AKAP19: variants seen among roughly 807,000 people sequenced by gnomAD.
AKAP19 encodes the protein A-kinase anchoring protein 19, also known as small A-kinase anchoring protein.
chr2:190,094,946 C>T, the AKAP19 span, among the ~76,000 whole-genome samples: 1 of 152,134 alleles, frequency 6.6e-6, no homozygotes, highest in African/African-American at 2.4e-5. Flanking sequence ...GTAAATAGGC[C>T]GGGCGCGGTG....
chr2:190,180,070 G>A, the AKAP19 span, among the ~76,000 whole-genome samples: 1 of 152,194 alleles, frequency 6.6e-6, no homozygotes, highest in African/African-American at 2.4e-5. The surrounding 1 kb of genome is among the most constrained non-coding windows in gnomAD (Gnocchi z 6.8). Flanking sequence ...AAACACGCTT[G>A]GAAAATGTTC....
the AKAP19 span, chr2:190,200,894 C>T: frequency 9.0e-5 from 15 of 166,954 alleles, no homozygotes; most frequent in African/African-American, 3.4e-4. Flanking sequence ...AAGAGCAATC[C>T]AATAAATCTT....
At chr2:189,917,964 C>G in the AKAP19 span, among the ~76,000 whole-genome samples, 1 of 151,786 alleles carries the variant, frequency 6.6e-6, no homozygotes, top group East Asian at 1.9e-4. Context: ...TTAAATATCT[C>G]TTTGTATAGT....
the AKAP19 span, among the ~76,000 whole-genome samples, chr2:189,931,897 T>C: frequency 6.6e-6 from 1 of 152,178 alleles, no homozygotes; most frequent in Admixed American, 6.5e-5. Flanking sequence ...TGCTGGGATT[T>C]ACAGGCATGA....
the AKAP19 span, among the ~76,000 whole-genome samples, chr2:189,886,409 G>A: frequency 5.3e-5 from 8 of 152,158 alleles, no homozygotes; most frequent in African/African-American, 1.9e-4. Context: ...CATAAGGAAT[G>A]ATTTAGTCCC....
At chr2:189,923,395 T>G in the AKAP19 span, 1 of 1,613,106 alleles carries the variant, frequency 6.2e-7, no homozygotes, top group South Asian at 1.1e-5. Context: ...GTGTATTCAT[T>G]GGGAATCTCA....
the AKAP19 span, among the ~76,000 whole-genome samples, chr2:190,074,551 T>C: frequency 6.6e-6 from 1 of 151,886 alleles, no homozygotes; most frequent in Non-Finnish European, 1.5e-5. Flanking sequence ...CTCAGGAGGC[T>C]GAAGCAGGAG....
the AKAP19 span, among the ~76,000 whole-genome samples, chr2:190,175,340 A>G: frequency 2.0e-5 from 3 of 152,240 alleles, no homozygotes; most frequent in Admixed American, 1.3e-4. Context: ...ATGCAGAACA[A>G]CTTTAAGAAC....
chr2:189,964,694 T>C, the AKAP19 span, among the ~76,000 whole-genome samples: 1 of 152,220 alleles, frequency 6.6e-6, no homozygotes. Flanking sequence ...AAAAAAAATA[T>C]GAACCAACCT....
the AKAP19 span, among the ~76,000 whole-genome samples, chr2:190,114,875 C>A: frequency 1.3e-5 from 2 of 151,942 alleles, no homozygotes; most frequent in Non-Finnish European, 2.9e-5. Context: ...TTAATGTGAT[C>A]TTTTTGAAAT....
chr2:189,985,305 G>T, the AKAP19 span, among the ~76,000 whole-genome samples: 1 of 152,102 alleles, frequency 6.6e-6, no homozygotes, highest in African/African-American at 2.4e-5. Context: ...AGGAGAACTG[G>T]CATTTGATTT....
chr2:189,987,375 G>T, the AKAP19 span, among the ~76,000 whole-genome samples: 2 of 152,114 alleles, frequency 1.3e-5, no homozygotes, highest in Non-Finnish European at 2.9e-5. Context: ...CCAGTCTTGG[G>T]CATGTCTTTA....
chr2:189,991,411 T>A, the AKAP19 span, among the ~76,000 whole-genome samples: 1 of 152,218 alleles, frequency 6.6e-6, no homozygotes, highest in African/African-American at 2.4e-5. Context: ...AGGTAGTATC[T>A]CATTGTAGTT....
the AKAP19 span, among the ~76,000 whole-genome samples, chr2:190,100,266 T>C: frequency 6.6e-6 from 1 of 151,756 alleles, no homozygotes; most frequent in South Asian, 2.1e-4. Flanking sequence ...AAAACCAGTA[T>C]GTGCCATGCC....
chr2:189,992,367 A>G, the AKAP19 span, among the ~76,000 whole-genome samples: 5 of 152,148 alleles, frequency 3.3e-5, no homozygotes, highest in African/African-American at 1.2e-4. Flanking sequence ...CAATTTTTAT[A>G]CTAGTATAAA....
chr2:190,175,249 G>A, the AKAP19 span, among the ~76,000 whole-genome samples: 1 of 152,196 alleles, frequency 6.6e-6, no homozygotes, highest in African/African-American at 2.4e-5. Context: ...TCTTTTGACA[G>A]ATCTTGTATA....
the AKAP19 span, among the ~76,000 whole-genome samples, chr2:190,157,365 T>TACACACACAC: frequency 0.33 from 38,582 of 116,850 alleles, 5,623 homozygotes; most frequent in Admixed American, 0.42. Flanking sequence ...CCTAAACTTG[T>TACACACACAC]ATACACACAC....
the AKAP19 span, among the ~76,000 whole-genome samples, chr2:190,001,042 A>C: frequency 1.3e-5 from 2 of 152,162 alleles, no homozygotes; most frequent in African/African-American, 4.8e-5. Flanking sequence ...AGATTGTATA[A>C]TGTATATTGA....
At chr2:190,034,534 C>CAAAAAAAAAA in the AKAP19 span, among the ~76,000 whole-genome samples, 2 of 68,266 alleles carry the variant, frequency 2.9e-5, no homozygotes, top group Admixed American at 2.2e-4. Context: ...GGCTACAGTG[C>CAAAAAAAAAA]AAAAAAAAAA....
Sources: allele counts gnomAD v4.1 joint callset (sites outside exome capture counted in the v4.1 genomes callset), GRCh38; gene constraint gnomAD v4.1.1; non-coding constraint Gnocchi (gnomAD v3.1); transcripts MANE v1.5; gene names NCBI Gene and HGNC (gene_info 2026-07-23, HGNC 2026-07-21).